The following NR2F2 variants were observed in gnomAD, a reference collection of about 807,000 sequenced individuals.
NR2F2 encodes the protein COUP transcription factor 2.
Under a neutral mutation model 34.8 loss-of-function variants are expected in NR2F2, and 2 were observed. That is an observed-to-expected ratio of 0.06 (90% CI 0.02 to 0.18). The LOEUF (loss-of-function observed/expected upper bound fraction) is 0.18. NR2F2 is among the 10% of genes least tolerant of loss of function. NR2F2 has a pLI of 1.00. For synonymous variants in NR2F2, 274 were observed against 251.8 expected, an observed-to-expected ratio of 1.09 and a Z score of -0.84; for missense variants, 300 against 580.1, an observed-to-expected ratio of 0.52 and a Z score of 4.96.
intron 1 of NR2F2, chr15:96,333,491 C>G (rs1899219045): frequency 7.0e-6 from 7 of 1,003,482 alleles, no homozygotes; most frequent in Non-Finnish European, 8.4e-6. Context: ...TCCGCCCTCT[C>G]CCTCCGTCTC....
At position 96,337,236 on chromosome 15, in the gene NR2F2, C is replaced by T. The variant is rs191523815; in HGVS notation, c.971-112C>T. The T allele has an allele frequency of 1.1e-3, 1,422 of 1,276,530 alleles. 24 individuals are homozygous for T. The highest frequency in any genetic ancestry group is 2.0e-4 in the Non-Finnish European group (182 of 927,074). 79.1% of individuals were successfully genotyped at this position (1,276,530 alleles called of 1,614,324 possible). A position where few individuals can be genotyped will look rare whatever the true frequency, so the allele number is the denominator to read the frequency against. On this transcript the variant is annotated intron_variant, in intron 2 of 2. Transcript: ENST00000394166. ...GGGCAGTTTGACAGAGCTCTGTGCA[C>T]ACACCTCATGTGACCCAATTCAAAC...
rs1189302464 is a variant in NR2F2, at chr15:96,339,441, G to C, written c.*1819G>C. On this transcript the variant is annotated 3_prime_UTR_variant, in exon 3 of 3. Coordinates refer to ENST00000394166, the MANE Select transcript of NR2F2 (RefSeq NM_021005.4). ...AATGTATATATGATAACTTGCAGTT[G>C]GTTTCCCTCTCCCCTCCCCCCCTTT... 3 of 152,126 alleles carry C rather than the reference G, an allele frequency of 2.0e-5. No individual in the cohort carries two copies. The highest frequency in any genetic ancestry group is 2.1e-4 in the South Asian group (1 of 4,830). 9.4% of individuals were successfully genotyped at this position (152,126 alleles called of 1,614,324 possible).
At chr15:96,326,782 A>G (rs1054988723), upstream of NR2F2, among the ~76,000 whole-genome samples, 5 of 152,158 alleles carry the variant, frequency 3.3e-5, no homozygotes, top group Non-Finnish European at 7.3e-5. The surrounding 1 kb of genome is among the most constrained non-coding windows in gnomAD (Gnocchi z 5.5). Flanking sequence ...GCTCGCACTA[A>G]GTATCAGAAT....
rs750003836 is a variant in NR2F2, at chr15:96,337,300, TTC to T, written c.971-46_971-45del. Reference sequence around the variant, plus strand: ...GACTGAATTCTTCTTCTTCTTCTTCTTCTTCTTTTTCTTCTTCTTCTTCTTCT... The same window carrying T: ...GACTGAATTCTTCTTCTTCTTCTTCTTTCTTTTTCTTCTTCTTCTTCTTCT... On this transcript the variant is annotated intron_variant, in intron 2 of 2. Transcript: ENST00000394166. 34 of 1,580,528 alleles carry T rather than the reference TTC, an allele frequency of 2.2e-5. No individual in the cohort carries two copies. In the African/African-American group the frequency reaches 4.3e-4, roughly 20 times the overall value.
In NR2F2 at chr15:96,330,918, C is replaced by T. The variant is rs1899116774; in HGVS notation, c.-1188C>T. ...TTTTTTCCCCTCTTTCATTCTTTCT[C>T]TCCGTCTTTTTCTCCCCCCTCTGCG... On this transcript the variant is annotated 5_prime_UTR_variant, in exon 1 of 3. Transcript: ENST00000394166. 1 of 1,133,972 alleles carries T rather than the reference C, an allele frequency of 8.8e-7. No homozygotes were observed. Among genetic ancestry groups the T allele is most frequent in the Non-Finnish European group, 1.1e-6 (1 of 923,564 alleles). 70.2% of individuals were successfully genotyped at this position (1,133,972 alleles called of 1,614,324 possible). A position where few individuals can be genotyped will look rare whatever the true frequency, so the allele number is the denominator to read the frequency against.
At chr15:96,333,491 C>A in intron 1 of NR2F2, 2 of 1,003,482 alleles carry the variant, frequency 2.0e-6, no homozygotes, top group Non-Finnish European at 2.4e-6. Context: ...TCCGCCCTCT[C>A]CCTCCGTCTC....
chr15:96,336,251 G>T (rs2141171041), intron 2 of NR2F2, among the ~76,000 whole-genome samples: 1 of 152,312 alleles, frequency 6.6e-6, no homozygotes, highest in South Asian at 2.1e-4. Flanking sequence ...CTCACAAAGA[G>T]ATAAAGGTTC....
At chr15:96,337,153 C>T (rs1041114868) in intron 2 of NR2F2, among the ~76,000 whole-genome samples, 195 bp from the exon 3 acceptor site, 1 of 151,994 alleles carries the variant, frequency 6.6e-6, no homozygotes, top group Non-Finnish European at 1.5e-5. Context: ...TTTCTTCCCC[C>T]ACCCCGCCTC....
chr15:96,332,289 G>A lies in NR2F2; in HGVS notation c.184G>A (p.Gly62Ser), dbSNP rs1472792713. The A allele has an allele frequency of 1.3e-6, 2 of 1,564,896 alleles. No homozygotes were observed. Among genetic ancestry groups the A allele is most frequent in the Admixed American group, 1.9e-5 (1 of 52,780 alleles). Reference protein sequence around the residue: ...PAQTAAGGQGGPGGPGSDKQQ... With the variant: ...PAQTAAGGQGSPGGPGSDKQQ... ...CCAGACGGCGGCCGGTGGCCAGGGC[G>A]GCCCTGGCGGCCCGGGTAGCGACAA... The change falls in exon 1 of 3, where the codon GGC becomes AGC. Residue 62 changes from glycine (G) to serine (S), a missense_variant. Coordinates refer to ENST00000394166, the MANE Select transcript of NR2F2 (RefSeq NM_021005.4).
intron 2 of NR2F2, among the ~76,000 whole-genome samples, chr15:96,335,176 G>A (rs1463923322): frequency 6.6e-6 from 1 of 152,228 alleles, no homozygotes; most frequent in East Asian, 1.9e-4. Context: ...TGTCAGGATG[G>A]GGCAACAGGA....
At chr15:96,327,500 A>G (rs1054162312), upstream of NR2F2, 6 of 152,240 alleles carry the variant, frequency 3.9e-5, no homozygotes, top group African/African-American at 1.2e-4. Context: ...TAAATTTTTC[A>G]GAGGACCTAA....
intron 2 of NR2F2, among the ~76,000 whole-genome samples, chr15:96,334,832 A>T (rs968680064): frequency 6.6e-6 from 1 of 152,208 alleles, no homozygotes; most frequent in Non-Finnish European, 1.5e-5. Flanking sequence ...GATTCCCCAC[A>T]TGGGCCATAG....
upstream of NR2F2, among the ~76,000 whole-genome samples, chr15:96,327,884 G>T: frequency 6.6e-6 from 1 of 152,058 alleles, no homozygotes. Context: ...ACTTTCTCTA[G>T]GCAAATTAAA....
rs1244237593 is a variant in NR2F2 at position 96,332,936 on chromosome 15, CCT to C, written c.442+393_442+394del. ...CCTCACCCCTTTCCCCAGCCCCCAC[CCT>C]CTCAAAAAAAAAAAAAAAAAAACCT... On this transcript the variant is annotated intron_variant, in intron 1 of 2. Transcript: ENST00000394166. Among the ~76,000 whole-genome samples, 5 of 137,498 alleles carry C rather than the reference CCT, an allele frequency of 3.6e-5. No individual in the cohort carries two copies. In the East Asian group the frequency reaches 1.0e-3, roughly 29 times the overall value. 90.2% of individuals were successfully genotyped at this position (137,498 alleles called of 152,430 possible).
chr15:96,327,863 ATGT>A (rs1365379562), upstream of NR2F2, among the ~76,000 whole-genome samples: 2 of 152,176 alleles, frequency 1.3e-5, no homozygotes, highest in Non-Finnish European at 2.9e-5. Context: ...ATTAGGGCAA[ATGT>A]TGTCCCAACT....
intron 2 of NR2F2, 138 bp downstream of exon 2, chr15:96,334,741 T>A: frequency 1.1e-6 from 1 of 880,166 alleles, no homozygotes; most frequent in Non-Finnish European, 1.7e-6. Flanking sequence ...AAGTGGGAAC[T>A]TTTTATAGCT....
At chr15:96,326,763 A>T (rs1899000284), upstream of NR2F2, among the ~76,000 whole-genome samples, 1 of 152,166 alleles carries the variant, frequency 6.6e-6, no homozygotes, top group South Asian at 2.1e-4. This position sits in a 1 kb window ranked among gnomAD's most constrained non-coding sequence, Gnocchi z 5.5. Context: ...CTAGCAAAGG[A>T]GCTGCTAGGC....
chr15:96,332,381 C>T lies in NR2F2; in HGVS notation c.276C>T (p.Gly92=), dbSNP rs1332151769. Residue 92 remains glycine, a synonymous_variant, in exon 1 of 3, where the codon GGC becomes GGT. Coordinates refer to ENST00000394166, the MANE Select transcript of NR2F2 (RefSeq NM_021005.4). The part of the protein sequence containing the change: ...CGDKSSGKHY[G]QFTCEGCKSF... ...ACAAGTCGAGCGGCAAGCACTACGG[C>T]CAGTTCACGTGCGAGGGCTGCAAGA... 1.2e-6 allele frequency: 2 copies of T among 1,613,476 alleles called. No individual in the cohort carries two copies. Among genetic ancestry groups the T allele is most frequent in the Non-Finnish European group, 8.5e-7 (1 of 1,179,726 alleles).
intron 1 of NR2F2, chr15:96,333,565 G>T (rs1166600574): frequency 3.0e-5 from 30 of 1,013,766 alleles, no homozygotes; most frequent in Non-Finnish European, 3.4e-5. Flanking sequence ...TCTCACTGGG[G>T]GGGTTCCCCG....
Sources: gnomAD v4.1 joint callset for allele counts (sites outside exome capture counted in the v4.1 genomes callset) on GRCh38, gnomAD v4.1.1 for gene constraint, Gnocchi (gnomAD v3.1) non-coding constraint, MANE v1.5 for transcripts, NCBI Gene and HGNC (gene_info 2026-07-23, HGNC 2026-07-21) for gene names.